TUT4: variants seen among roughly 807,000 people sequenced by gnomAD.
The protein encoded by TUT4 is terminal uridylyl transferase 4.
Under a neutral mutation model 192.2 loss-of-function variants are expected in TUT4, and 36 were observed. The observed-to-expected ratio is 0.19, with a 90% CI of 0.14 to 0.25. The LOEUF is 0.25. TUT4 is among the 10% of genes least tolerant of loss of function. TUT4 has a pLI of 1.00. For synonymous variants in TUT4, 618 were observed against 666.0 expected (o/e 0.93, Z 1.11); for missense variants, 1,493 against 1,957.2 (o/e 0.76, Z 4.47).
intron 20 of TUT4, among the ~76,000 whole-genome samples, chr1:52,448,520 T>C (rs533462561): frequency 2.0e-5 from 3 of 147,830 alleles, no homozygotes; most frequent in African/African-American, 7.6e-5. Context: ...ACTCAGGAGA[T>C]TGAGGTTGCA....
chr1:52,461,821 T>C, intron 16 of TUT4, 52 bp from the exon 17 acceptor site: 12 of 1,075,208 alleles, frequency 1.1e-5, no homozygotes, highest in Non-Finnish European at 1.6e-5. Context: ...CTTGTGCAAA[T>C]TCTACTTTAA....
At chr1:52,454,073 C>T (rs1660188541) in intron 20 of TUT4, among the ~76,000 whole-genome samples, 1 of 152,102 alleles carries the variant, frequency 6.6e-6, no homozygotes, top group Admixed American at 6.6e-5. Flanking sequence ...TGAGCAAAAT[C>T]AAAGAACTAA....
chr1:52,485,373 G>C (rs1342811502), intron 9 of TUT4, among the ~76,000 whole-genome samples: 2 of 151,908 alleles, frequency 1.3e-5, no homozygotes, highest in Admixed American at 6.6e-5. Flanking sequence ...TTTTTTACTA[G>C]GGTTTTCTAG....
intron 1 of TUT4, among the ~76,000 whole-genome samples, chr1:52,538,363 A>G (rs1474031066): frequency 6.6e-6 from 1 of 152,174 alleles, no homozygotes; most frequent in Non-Finnish European, 1.5e-5. Context: ...TGTTTTGGCA[A>G]CTGAGAAAAA....
chr1:52,466,062 A>C (rs781629118), intron 15 of TUT4, among the ~76,000 whole-genome samples: 4 of 152,054 alleles, frequency 2.6e-5, no homozygotes, highest in African/African-American at 7.2e-5. Context: ...ATTAATTCTA[A>C]AGTAGACTAC....
At chr1:52,475,885 C>G (rs1398652314) in intron 12 of TUT4, among the ~76,000 whole-genome samples, 1 of 151,950 alleles carries the variant, frequency 6.6e-6, no homozygotes, top group East Asian at 1.9e-4. Flanking sequence ...TGCTCTGTCC[C>G]CCAAGCTGGA....
At chr1:52,482,508 T>C (rs1476624871) in intron 9 of TUT4, among the ~76,000 whole-genome samples, 3 of 152,306 alleles carry the variant, frequency 2.0e-5, no homozygotes, top group Non-Finnish European at 4.4e-5. Flanking sequence ...GGCATGATCA[T>C]GACTCACTGC....
intron 28 of TUT4, among the ~76,000 whole-genome samples, 181 bp downstream of exon 28, chr1:52,430,832 G>T (rs1570133279): frequency 6.6e-6 from 1 of 152,204 alleles, no homozygotes; most frequent in Admixed American, 6.5e-5. Context: ...ATAATAAATG[G>T]CAGGGCCAGG....
intron 9 of TUT4, among the ~76,000 whole-genome samples, chr1:52,486,511 C>G (rs1394840153): frequency 6.6e-6 from 1 of 151,794 alleles, no homozygotes; most frequent in Admixed American, 6.6e-5. Context: ...TGGAAAAATG[C>G]GTGCTTAACT....
chr1:52,497,475 G>A (rs570411565), intron 4 of TUT4, among the ~76,000 whole-genome samples: 1 of 152,332 alleles, frequency 6.6e-6, no homozygotes, highest in South Asian at 2.1e-4. Context: ...GGTACCTTAA[G>A]TACAATACTA....
intron 24 of TUT4, among the ~76,000 whole-genome samples, chr1:52,440,577 A>G (rs749367955): frequency 3.3e-5 from 5 of 152,144 alleles, no homozygotes; most frequent in Non-Finnish European, 5.9e-5. Context: ...CTTAAGACAG[A>G]AACCTAAGAA....
At chr1:52,469,109 G>A (rs376332801) in intron 14 of TUT4, among the ~76,000 whole-genome samples, 3 of 152,098 alleles carry the variant, frequency 2.0e-5, no homozygotes, top group Admixed American at 6.5e-5. Context: ...CACTCTAATG[G>A]TGGATACATG....
chr1:52,450,330 A>G (rs182790979), intron 20 of TUT4, among the ~76,000 whole-genome samples: 217 of 152,340 alleles, frequency 1.4e-3, no homozygotes, highest in African/African-American at 5.0e-3. Flanking sequence ...AAAAAAGGCC[A>G]GAAACAAAAT....
At chr1:52,539,618 C>T (rs556073550) in intron 1 of TUT4, among the ~76,000 whole-genome samples, 11 of 152,220 alleles carry the variant, frequency 7.2e-5, no homozygotes, top group South Asian at 2.1e-4. Context: ...GTGCAGGGCG[C>T]GGTGGCTCAT....
In TUT4 at chr1:52,425,614, C is replaced by T. The variant is rs185923898; in HGVS notation, c.4712-107G>A. ...TTCAGTACCTACCATTGGCTAAGAA[C>T]TATGCTAAATTCAGAGAATACCAAA... On this transcript the variant is annotated intron_variant, in intron 28 of 29. Transcript: ENST00000257177. The T allele has an allele frequency of 4.6e-6, 6 of 1,317,052 alleles. No homozygotes were observed. In the East Asian group the frequency reaches 1.6e-4, roughly 35 times the overall value. 81.6% of individuals were successfully genotyped at this position (1,317,052 alleles called of 1,614,324 possible).
At chr1:52,434,934 G>A (rs954513687) in intron 27 of TUT4, 1 of 152,518 alleles carries the variant, frequency 6.6e-6, no homozygotes, top group African/African-American at 2.4e-5. Flanking sequence ...GTATCCACAG[G>A]TCAAGCTATG....
At position 52,475,339 on chromosome 1, in the gene TUT4, A is replaced by G; in HGVS notation, c.2220T>C (p.Asn740=). The part of the protein sequence containing the change: ...ISNKKPVKSN[N]MATNGCILLG... ...GCAGAATACAACCATTGGTTGCCAT[A>G]TTGTTCGACTTGACTGGTTTCTTAT... is the stretch of plus-strand genomic sequence containing the variant. Residue 740 remains asparagine, a synonymous_variant, in exon 13 of 30, where the codon AAT becomes AAC. Transcript: ENST00000257177. 6.2e-7 allele frequency: 1 copy of G among 1,613,966 alleles called. No homozygotes were observed. Among genetic ancestry groups the G allele is most frequent in the Non-Finnish European group, 8.5e-7 (1 of 1,179,992 alleles).
intron 14 of TUT4, 72 bp downstream of exon 14, chr1:52,471,880 T>G: frequency 6.8e-7 from 1 of 1,474,770 alleles, no homozygotes; most frequent in Non-Finnish European, 9.1e-7. Context: ...AAACTGTTTT[T>G]AAATCAGAAA....
rs74504218 is a variant in TUT4 at position 52,474,556 on chromosome 1, T to C, written c.2727+276A>G. 8.7e-3 allele frequency among the ~76,000 whole-genome samples: 1,326 copies of C among 152,296 alleles called. 22 individuals carry two copies. Among genetic ancestry groups the C allele is most frequent in the African/African-American group, 0.03 (1,257 of 41,564 alleles). ...GCAACATTTAAAATGCATGCTACCT[T>C]TGCTAAGATTTTCATGAAATATCAG... is the stretch of plus-strand genomic sequence containing the variant. On this transcript the variant is annotated intron_variant, in intron 13 of 29. Coordinates refer to ENST00000257177, the MANE Select transcript of TUT4 (RefSeq NM_001009881.3).
Sources: allele counts gnomAD v4.1 joint callset (sites outside exome capture counted in the v4.1 genomes callset), GRCh38; gene constraint gnomAD v4.1.1; transcripts MANE v1.5; gene names NCBI Gene and HGNC (gene_info 2026-07-23, HGNC 2026-07-21).